ADAMTSL2: variants seen among roughly 807,000 people sequenced by gnomAD.
ADAMTSL2 encodes ADAMTS like 2.
ADAMTSL2 carries 55 observed loss-of-function variants against 117.0 expected under a neutral mutation model. That is an observed-to-expected ratio of 0.47 (90% CI 0.38 to 0.59). ADAMTSL2 has a LOEUF of 0.59. ADAMTSL2 is among the 20% of genes least tolerant of loss of function. The pLI is 0.00. For synonymous variants in ADAMTSL2, 572 were observed against 566.4 expected, an observed-to-expected ratio of 1.01 and a Z score of -0.14; for missense variants, 1,182 against 1,354.5, an observed-to-expected ratio of 0.87 and a Z score of 2.00.
At chr9:133,564,657 GGA>G (rs1277250397) in intron 12 of ADAMTSL2, among the ~76,000 whole-genome samples, 3 of 49,096 alleles carry the variant, frequency 6.1e-5, no homozygotes, top group South Asian at 7.9e-4. Flanking sequence ...AGGGAGAGAG[GGA>G]GAGAGAGAGG....
intron 11 of ADAMTSL2, among the ~76,000 whole-genome samples, chr9:133,560,592 C>T (rs1483735459): frequency 6.6e-6 from 1 of 152,244 alleles, no homozygotes; most frequent in African/African-American, 2.4e-5. Context: ...GGCTGGGACC[C>T]AGCGTGCCTC....
chr9:133,534,096 C>T (rs952860110), upstream of ADAMTSL2, among the ~76,000 whole-genome samples: 1 of 152,258 alleles, frequency 6.6e-6, no homozygotes, highest in Non-Finnish European at 1.5e-5. Flanking sequence ...CCCTGAGCCT[C>T]TCTGCCCTGG....
At chr9:133,541,117 G>A in intron 7 of ADAMTSL2, 116 bp downstream of exon 7, 2 of 1,458,306 alleles carry the variant, frequency 1.4e-6, no homozygotes, top group Non-Finnish European at 1.9e-6. Flanking sequence ...TCCCCTCTAG[G>A]GGCACCTGAT....
At chr9:133,545,802 G>T (rs28528898) in intron 8 of ADAMTSL2, among the ~76,000 whole-genome samples, 1 of 152,130 alleles carries the variant, frequency 6.6e-6, no homozygotes, top group African/African-American at 2.4e-5. Flanking sequence ...GGTTTTGGAC[G>T]AGAGCCTCGG....
upstream of ADAMTSL2, among the ~76,000 whole-genome samples, chr9:133,533,415 A>G (rs2131080775): frequency 6.6e-6 from 1 of 152,316 alleles, no homozygotes; most frequent in South Asian, 2.1e-4. Context: ...ACAACCCGGC[A>G]GAGGAGAGAA....
In ADAMTSL2 at chr9:133,574,931, G is replaced by C. The variant is rs1831193455; in HGVS notation, c.*67G>C. 5 of 1,294,170 alleles carry C rather than the reference G, an allele frequency of 3.9e-6. No homozygotes were observed. The highest frequency in any genetic ancestry group is 1.5e-5 in the African/African-American group (1 of 68,754). 80.2% of individuals were successfully genotyped at this position (1,294,170 alleles called of 1,614,324 possible). ...CCTCCTGGGGCTGCTGCAGCTTCTGGGGCCTCCACAGACCCCCCTCCTGCG... is the reference window on the plus strand; with the variant it reads ...CCTCCTGGGGCTGCTGCAGCTTCTGCGGCCTCCACAGACCCCCCTCCTGCG... On this transcript the variant is annotated 3_prime_UTR_variant, in exon 19 of 19. Transcript: ENST00000651351.
At chr9:133,561,738 G>C (rs1830733530) in intron 12 of ADAMTSL2, among the ~76,000 whole-genome samples, 1 of 152,294 alleles carries the variant, frequency 6.6e-6, no homozygotes, top group South Asian at 2.1e-4. Context: ...CATCAGCAGG[G>C]GAGAAGTTAG....
chr9:133,566,409 A>C (rs1259312673), intron 12 of ADAMTSL2, among the ~76,000 whole-genome samples: 1 of 152,210 alleles, frequency 6.6e-6, no homozygotes, highest in Non-Finnish European at 1.5e-5. Flanking sequence ...CCATTGCACT[A>C]CAGCCTGGGC....
chr9:133,544,374 C>T, intron 7 of ADAMTSL2, 96 bp from the exon 8 acceptor site: 1 of 1,042,552 alleles, frequency 9.6e-7, no homozygotes, highest in South Asian at 1.3e-5. Context: ...CCTTAGACAG[C>T]CACCGCTCAC....
chr9:133,570,837 A>C (rs1053438203), intron 17 of ADAMTSL2, among the ~76,000 whole-genome samples: 105 of 152,134 alleles, frequency 6.9e-4, no homozygotes, highest in African/African-American at 2.4e-3. Flanking sequence ...GGACAGACAG[A>C]CCCCAGGTGG....
At position 133,539,781 on chromosome 9, in the gene ADAMTSL2, C is replaced by T. The variant is rs781678847; in HGVS notation, c.320C>T (p.Pro107Leu). ...CCCTTCGCTTCCCAGGAGTGTCCGC[C>T]GGACGGGAGGAGCTTCCGCGAGGAG... ...YQLCRVQECP[P>L]DGRSFREEQC... Residue 107 changes from proline to leucine, a missense_variant, in exon 5 of 19, where the codon CCG (proline) becomes CTG (leucine). Pro to Leu is a moderately conservative substitution (Grantham distance 98). Coordinates refer to ENST00000651351, the MANE Select transcript of ADAMTSL2 (RefSeq NM_014694.4). 41 of 1,478,852 alleles carry T rather than the reference C, an allele frequency of 2.8e-5. No individual in the cohort carries two copies. The highest frequency in any genetic ancestry group is 1.5e-4 in the South Asian group (12 of 80,382). The allele number at this position is 1,478,852 out of a possible 1,614,324, so 91.6% of individuals were successfully genotyped here.
chr9:133,561,065 G>T, intron 11 of ADAMTSL2, 133 bp from the exon 12 acceptor site: 1 of 781,470 alleles, frequency 1.3e-6, no homozygotes, highest in Non-Finnish European at 2.2e-6. Flanking sequence ...TGGAGGGTCG[G>T]CCCGGGGCTC....
At chr9:133,574,622 T>C in intron 18 of ADAMTSL2, 124 bp from the exon 19 acceptor site, 1 of 813,164 alleles carries the variant, frequency 1.2e-6, no homozygotes, top group Non-Finnish European at 2.2e-6. Flanking sequence ...GAGCTAGAGA[T>C]GGAGACCCAC....
intron 8 of ADAMTSL2, among the ~76,000 whole-genome samples, chr9:133,545,858 G>A (rs544343735): frequency 6.6e-6 from 1 of 152,120 alleles, no homozygotes; most frequent in Non-Finnish European, 1.5e-5. Context: ...AGACAACCAG[G>A]CCCCAGCACA....
chr9:133,569,508 A>G lies in ADAMTSL2; in HGVS notation c.2345A>G (p.Lys782Arg). ...GAGTCCCAGTGCCAGATGGAGACCA[A>G]GCCTCTGGCCATCCACCCCTGTGGG... ...VPESQCQMET[K>R]PLAIHPCGDK... The change falls in exon 16 of 19, where the codon AAG (lysine) becomes AGG (arginine). Residue 782 changes from lysine to arginine, a missense_variant. Lys to Arg is a conservative substitution (Grantham distance 26, BLOSUM62 2). Around this residue, in one of 3 missense-constraint regions of ADAMTSL2, gnomAD observed 465 missense variants for 565.3 expected, o/e 0.82. Transcript: ENST00000651351. 6.2e-7 allele frequency: 1 copy of G among 1,611,636 alleles called. No individual in the cohort carries two copies. The highest frequency in any genetic ancestry group is 8.5e-7 in the Non-Finnish European group (1 of 1,179,142).
At chr9:133,535,341 T>C (rs1186570397) in intron 1 of ADAMTSL2, among the ~76,000 whole-genome samples, 1 of 117,914 alleles carries the variant, frequency 8.5e-6, no homozygotes, top group African/African-American at 3.3e-5. Flanking sequence ...GGTGTGAGGC[T>C]GAGAGTGCAG....
chr9:133,568,861 TGAGGTCAA>T, intron 15 of ADAMTSL2, 103 bp downstream of exon 15: 1 of 1,489,492 alleles, frequency 6.7e-7, no homozygotes, highest in Non-Finnish European at 9.3e-7. Flanking sequence ...GGCAAGGGTG[TGAGGTCAA>T]GAATGTCCAA....
At chr9:133,536,042 T>C (rs34444208) in intron 1 of ADAMTSL2, among the ~76,000 whole-genome samples, 20,328 of 152,118 alleles carry the variant, frequency 0.13, 1,461 homozygotes, top group Non-Finnish European at 0.16. Flanking sequence ...TTCCATCTTC[T>C]CTCCGGGGAT....
intron 3 of ADAMTSL2, 104 bp downstream of exon 3, chr9:133,537,651 G>A (rs1830084806): frequency 8.2e-7 from 1 of 1,221,310 alleles, no homozygotes; most frequent in Non-Finnish European, 1.0e-6. Context: ...CCCCTGGGAG[G>A]GCTCTCGGGT....
Sources: gnomAD v4.1 joint callset for allele counts (sites outside exome capture counted in the v4.1 genomes callset) on GRCh38, gnomAD v4.1.1 for gene constraint, gnomAD v4.1.1 regional missense constraint, MANE v1.5 for transcripts, NCBI Gene and HGNC (gene_info 2026-07-23, HGNC 2026-07-21) for gene names.